ZBTB20: variants seen among roughly 807,000 people sequenced by gnomAD.
ZBTB20 encodes the protein zinc finger and BTB domain-containing protein 20.
A neutral mutation model predicts 56.9 loss-of-function variants in ZBTB20; 9 were observed. The ratio of observed to expected loss-of-function variants is 0.16; its 90% CI spans 0.10 to 0.28. ZBTB20 has a LOEUF of 0.28. ZBTB20 is among the 10% of genes least tolerant of loss of function. The probability of loss-of-function intolerance (pLI) is 1.00; values close to 1 mark genes in which losing one functional copy is unlikely to be tolerated. For missense variants in ZBTB20, 655 were observed against 1,003.0 expected (o/e 0.65, Z 4.69); for synonymous variants, 417 against 420.7 (o/e 0.99, Z 0.11).
chr3:114,793,911 T>C (rs1211712402), intron 5 of ZBTB20, among the ~76,000 whole-genome samples: 1 of 152,080 alleles, frequency 6.6e-6, no homozygotes, highest in Non-Finnish European at 1.5e-5. Flanking sequence ...GGAGAGGGCA[T>C]CTGCTAAATG....
chr3:115,145,664 AG>A (rs2084941354), intron 1 of ZBTB20, among the ~76,000 whole-genome samples: 1 of 152,216 alleles, frequency 6.6e-6, no homozygotes, highest in Non-Finnish European at 1.5e-5. Flanking sequence ...ACCCAGGCAC[AG>A]GAAGGGCTGA....
intron 6 of ZBTB20, among the ~76,000 whole-genome samples, chr3:114,680,750 T>C (rs2061923424): frequency 6.6e-6 from 1 of 152,194 alleles, no homozygotes; most frequent in African/African-American, 2.4e-5. Context: ...ACAATGATCG[T>C]TACTGAATCA....
chr3:114,412,607 C>T (rs752126335), intron 7 of ZBTB20, among the ~76,000 whole-genome samples: 3 of 152,170 alleles, frequency 2.0e-5, no homozygotes, highest in East Asian at 3.9e-4. Flanking sequence ...TTCATGCTAG[C>T]GATGCTAGCA....
chr3:114,979,685 T>C (rs1365156791), intron 2 of ZBTB20, among the ~76,000 whole-genome samples: 1 of 152,018 alleles, frequency 6.6e-6, no homozygotes, highest in Non-Finnish European at 1.5e-5. Flanking sequence ...CAATTGATCA[T>C]CCTGAAAGAT....
chr3:114,933,881 G>C (rs999252541), intron 3 of ZBTB20, among the ~76,000 whole-genome samples: 1 of 151,820 alleles, frequency 6.6e-6, no homozygotes, highest in African/African-American at 2.4e-5. Context: ...CTCCCCCTTC[G>C]GTATCAGCAA....
chr3:115,096,311 A>C (rs2083378657), intron 1 of ZBTB20, among the ~76,000 whole-genome samples: 3 of 152,166 alleles, frequency 2.0e-5, no homozygotes, highest in Admixed American at 1.3e-4. Flanking sequence ...CATGCAAATG[A>C]AAATATTTAG....
intron 6 of ZBTB20, among the ~76,000 whole-genome samples, chr3:114,646,548 C>A (rs1226883934): frequency 1.3e-5 from 2 of 151,426 alleles, no homozygotes; most frequent in Non-Finnish European, 2.9e-5. Context: ...TAAAATAAGC[C>A]AAAAAAAATC....
rs59741665 is a variant in ZBTB20, at chr3:114,859,572, G to GT, written c.-417+40731dup. ...GGAAATTTAGATAACTTCTTATGGC[G>GT]TTTTTTTTTTTTTTTTTTGAGTTTA... On this transcript the variant is annotated intron_variant, in intron 4 of 11. Coordinates refer to ENST00000675478, the MANE Select transcript of ZBTB20 (RefSeq NM_001348800.3). Among the ~76,000 whole-genome samples, 47 of 116,610 alleles carry GT rather than the reference G, an allele frequency of 4.0e-4. 1 individual carries two copies. Among genetic ancestry groups the GT allele is most frequent in the African/African-American group, 1.4e-3 (47 of 32,434 alleles). The allele number at this position is 116,610 out of a possible 152,430, so 76.5% of individuals were successfully genotyped here. A position where few individuals can be genotyped will look rare whatever the true frequency, so the allele number is the denominator to read the frequency against.
At chr3:114,537,921 G>A (rs1011576199) in intron 6 of ZBTB20, among the ~76,000 whole-genome samples, 1 of 152,102 alleles carries the variant, frequency 6.6e-6, no homozygotes, top group Non-Finnish European at 1.5e-5. Flanking sequence ...TCATAAGTGA[G>A]AGTTGAACAA....
At chr3:114,980,704 T>TA (rs1437516642) in intron 2 of ZBTB20, among the ~76,000 whole-genome samples, 1 of 151,830 alleles carries the variant, frequency 6.6e-6, no homozygotes, top group African/African-American at 2.4e-5. Context: ...TATGAAACTA[T>TA]AAAAATATTA....
chr3:114,974,937 G>T (rs757765779), intron 2 of ZBTB20, among the ~76,000 whole-genome samples: 1 of 152,130 alleles, frequency 6.6e-6, no homozygotes, highest in Non-Finnish European at 1.5e-5. Flanking sequence ...AAGAAAATGG[G>T]TGGAAAGAAA....
intron 2 of ZBTB20, among the ~76,000 whole-genome samples, chr3:115,012,043 A>G (rs1193348728): frequency 1.3e-5 from 2 of 151,874 alleles, no homozygotes; most frequent in Non-Finnish European, 2.9e-5. Flanking sequence ...TGGTAACTTA[A>G]ACTTTAAAAA....
At chr3:114,428,383 A>G (rs993093370) in intron 7 of ZBTB20, among the ~76,000 whole-genome samples, 1 of 152,244 alleles carries the variant, frequency 6.6e-6, no homozygotes, top group Admixed American at 6.5e-5. Flanking sequence ...ATTAATACCA[A>G]GCACACCAGA....
chr3:115,045,728 A>T (rs542389352), intron 2 of ZBTB20, among the ~76,000 whole-genome samples: 10 of 152,306 alleles, frequency 6.6e-5, no homozygotes, highest in African/African-American at 2.4e-4. Context: ...CCCTTTCAAA[A>T]AGTAAAGAAA....
chr3:114,710,465 C>A (rs567865925), intron 5 of ZBTB20, among the ~76,000 whole-genome samples: 4 of 152,162 alleles, frequency 2.6e-5, no homozygotes, highest in Non-Finnish European at 5.9e-5. Context: ...AATACTAACT[C>A]ATAATCATCT....
chr3:114,975,529 C>T (rs1337266167), intron 2 of ZBTB20, among the ~76,000 whole-genome samples: 1 of 152,088 alleles, frequency 6.6e-6, no homozygotes, highest in Non-Finnish European at 1.5e-5. Context: ...TAAACCAAAA[C>T]AAACCTAAGG....
Position 114,320,667 on chromosome 3 carries a change from T to G in ZBTB20, c.*18338A>C, listed in dbSNP as rs1361798048. On this transcript the variant is annotated 3_prime_UTR_variant, in exon 12 of 12. Transcript: ENST00000675478. The stretch of plus-strand genomic sequence containing the variant: ...TTTATATCTTTAAAATGAACAAATT[T>G]GTTTTTATATTTTTGGTCTACAGTA... The G allele has an allele frequency of 6.6e-6, 1 of 152,160 alleles. No individual in the cohort carries two copies. Among genetic ancestry groups the G allele is most frequent in the Admixed American group, 6.5e-5 (1 of 15,270 alleles). 9.4% of individuals were successfully genotyped at this position (152,160 alleles called of 1,614,324 possible).
At chr3:114,526,995 G>A (rs192152023) in intron 6 of ZBTB20, among the ~76,000 whole-genome samples, 20 of 152,148 alleles carry the variant, frequency 1.3e-4, no homozygotes, top group Non-Finnish European at 2.1e-4. Context: ...GGTGGGAAGT[G>A]TATCATTTTG....
At chr3:114,913,489 T>A (rs2075623417) in intron 3 of ZBTB20, among the ~76,000 whole-genome samples, 3 of 152,058 alleles carry the variant, frequency 2.0e-5, no homozygotes, top group African/African-American at 7.2e-5. Flanking sequence ...TGTTAATCAC[T>A]GTCAGATGGA....
Sources: gnomAD v4.1 joint callset for allele counts (sites outside exome capture counted in the v4.1 genomes callset) on GRCh38, gnomAD v4.1.1 for gene constraint, MANE v1.5 for transcripts, NCBI Gene and HGNC (gene_info 2026-07-23, HGNC 2026-07-21) for gene names.